The following LAMC3 variants were observed in gnomAD, a reference collection of about 807,000 sequenced individuals.
LAMC3 encodes the protein laminin subunit gamma-3.
In LAMC3, 128 loss-of-function variants were observed where a neutral mutation model predicts 173.8. The observed-to-expected ratio is 0.74, with a 90% CI of 0.64 to 0.85. The LOEUF (loss-of-function observed/expected upper bound fraction) is 0.85, where lower values mean the gene tolerates loss of function less well. Ranked by LOEUF, LAMC3 falls within the 40% of genes least tolerant of loss-of-function variation. The pLI is 0.00. For missense variants in LAMC3, 2,022 were observed against 2,156.0 expected (o/e 0.94, Z 1.23); for synonymous variants, 897 against 909.1 (o/e 0.99, Z 0.24).
At chr9:131,071,707 G>C in intron 18 of LAMC3, 82 bp downstream of exon 18, 1 of 1,430,196 alleles carries the variant, frequency 7.0e-7, no homozygotes, top group Non-Finnish European at 9.2e-7. Flanking sequence ...TGGATGCTTT[G>C]GGGGCCCTCC....
chr9:131,019,597 C>G (rs1460605497), intron 1 of LAMC3, among the ~76,000 whole-genome samples: 2 of 152,160 alleles, frequency 1.3e-5, no homozygotes, highest in Non-Finnish European at 2.9e-5. Context: ...ACGTGCTTTG[C>G]CAAGTACTTT....
chr9:131,036,206 G>A lies in LAMC3; in HGVS notation c.850G>A (p.Val284Met), dbSNP rs757736341. Residue 284 changes from valine (V) to methionine (M), a missense_variant, in exon 4 of 28, where the codon GTG becomes ATG. Val to Met is a conservative substitution (Grantham distance 21). Transcript: ENST00000361069. ...GCATGCCAGCGAGTGCGGCCCCGAC[G>A]TGGCAGGCCAGTTGGCCTGCCGGTG... is the stretch of plus-strand genomic sequence containing the variant. ...NGHASECGPD[V>M]AGQLACRCQH... 2.2e-5 allele frequency: 36 copies of A among 1,612,836 alleles called. No individual in the cohort carries two copies. Among genetic ancestry groups the A allele is most frequent in the Middle Eastern group, 1.7e-4 (1 of 6,046 alleles).
chr9:131,051,063 G>A (rs1834275916), intron 9 of LAMC3, among the ~76,000 whole-genome samples: 2 of 151,766 alleles, frequency 1.3e-5, no homozygotes, highest in Admixed American at 6.5e-5. Flanking sequence ...GCCAGGAAAC[G>A]CTCTGGGGCA....
chr9:131,046,540 T>C (rs1378254934), intron 8 of LAMC3, among the ~76,000 whole-genome samples: 1 of 134,858 alleles, frequency 7.4e-6, no homozygotes, highest in Non-Finnish European at 1.6e-5. Flanking sequence ...TTTTTTTTTT[T>C]TTTTGTACAG....
At chr9:131,082,519 G>A (rs1283531947) in intron 24 of LAMC3, among the ~76,000 whole-genome samples, 2 of 152,210 alleles carry the variant, frequency 1.3e-5, no homozygotes, top group African/African-American at 4.8e-5. Context: ...CGGGTCCAAT[G>A]TTGAGTTGGG....
chr9:131,053,557 G>A (rs1039798145), intron 11 of LAMC3, among the ~76,000 whole-genome samples: 4 of 152,102 alleles, frequency 2.6e-5, no homozygotes, highest in Middle Eastern at 3.2e-3. Context: ...AATATAGGTC[G>A]GGCGCAGAAG....
intron 2 of LAMC3, among the ~76,000 whole-genome samples, chr9:131,030,684 G>A (rs1022365464): frequency 1.4e-4 from 22 of 152,210 alleles, no homozygotes; most frequent in African/African-American, 4.6e-4. Context: ...GTCAGTAGCC[G>A]CCGCACCTCC....
intron 7 of LAMC3, among the ~76,000 whole-genome samples, chr9:131,043,959 G>GC (rs1491293019): frequency 2.4e-5 from 3 of 127,414 alleles, no homozygotes; most frequent in Non-Finnish European, 4.9e-5. Flanking sequence ...GTGACTTGCT[G>GC]CTTTTTTTTT....
intron 23 of LAMC3, 63 bp downstream of exon 23, chr9:131,079,361 C>G (rs1830194196): frequency 6.3e-7 from 1 of 1,595,476 alleles, no homozygotes; most frequent in African/African-American, 1.3e-5. Context: ...GAAGGTGATC[C>G]AGGGTCAGGG....
chr9:131,062,824 G>A (rs533776391), intron 13 of LAMC3, among the ~76,000 whole-genome samples: 12 of 151,396 alleles, frequency 7.9e-5, no homozygotes, highest in South Asian at 2.1e-4. Context: ...AGCCAAGAGC[G>A]TGCCACTGCA....
intron 27 of LAMC3, among the ~76,000 whole-genome samples, chr9:131,090,882 A>G (rs916589948): frequency 6.6e-5 from 10 of 151,510 alleles, no homozygotes; most frequent in African/African-American, 2.2e-4. Flanking sequence ...CAAAAAAATT[A>G]GCGGAGCATG....
chr9:131,020,236 G>A (rs1833602518), intron 1 of LAMC3, among the ~76,000 whole-genome samples: 1 of 152,168 alleles, frequency 6.6e-6, no homozygotes, highest in Admixed American at 6.5e-5. Context: ...CTACAGGGGA[G>A]TCACACCCAG....
intron 2 of LAMC3, among the ~76,000 whole-genome samples, chr9:131,028,860 A>T (rs1381319276): frequency 1.3e-5 from 2 of 152,222 alleles, no homozygotes. Flanking sequence ...ACCTCGTCTC[A>T]CTATGCTGCC....
chr9:131,018,354 C>T (rs1390802676), intron 1 of LAMC3, among the ~76,000 whole-genome samples: 6 of 151,940 alleles, frequency 3.9e-5, no homozygotes, highest in African/African-American at 9.7e-5. Flanking sequence ...AGGGTGGTCT[C>T]GAACTCCTGA....
intron 27 of LAMC3, among the ~76,000 whole-genome samples, chr9:131,089,616 G>A (rs1830389504): frequency 6.8e-6 from 1 of 147,782 alleles, no homozygotes; most frequent in Non-Finnish European, 1.5e-5. Flanking sequence ...TCAAACTACT[G>A]GGCTCAAGTG....
Position 131,068,425 on chromosome 9 carries a change from G to T in LAMC3, c.2747+194G>T, listed in dbSNP as rs7044504. Among the ~76,000 whole-genome samples, 114,263 of 152,148 alleles carry T rather than the reference G, an allele frequency of 0.75. 44,085 individuals carry two copies. The highest frequency in any genetic ancestry group is 0.84 in the Non-Finnish European group (56,934 of 67,994). On this transcript the variant is annotated intron_variant, in intron 15 of 27. Coordinates refer to ENST00000361069, the MANE Select transcript of LAMC3 (RefSeq NM_006059.4). ...ACTCATGCTCCTGCCAGCCCAGGAT[G>T]CAGGCCAAGAGCAGCCCTAAAGGGT...
chr9:131,026,203 A>T lies in LAMC3; in HGVS notation c.374-82A>T. 6.3e-7 allele frequency: 1 copy of T among 1,587,000 alleles called. No individual in the cohort carries two copies. The highest frequency in any genetic ancestry group is 8.6e-7 in the Non-Finnish European group (1 of 1,167,578). On this transcript the variant is annotated intron_variant, in intron 1 of 27. Transcript: ENST00000361069. The surrounding 1 kb of genome is among the most constrained non-coding windows in gnomAD (Gnocchi z 4.8). ...CGATCCATCCACGCTAGTGCCTGCA[A>T]TGCAGCCGTCTGTCCTTCCTAGACC...
At chr9:131,044,572 A>C (rs1272044681) in intron 7 of LAMC3, among the ~76,000 whole-genome samples, 1 of 152,168 alleles carries the variant, frequency 6.6e-6, no homozygotes, top group East Asian at 1.9e-4. Context: ...GCTTCTAATG[A>C]CTGGACCGTG....
rs371906608 is a variant in LAMC3 at position 131,045,710 on chromosome 9, G to A, written c.1519+50G>A. On this transcript the variant is annotated intron_variant, in intron 8 of 27. Transcript: ENST00000361069. ...CTCCCAAGGGTCTGCTCCCAGCCTA[G>A]GCAGGTGATCCTGCCCTGGGGAGAT... 11 of 1,607,016 alleles carry A rather than the reference G, an allele frequency of 6.8e-6. No individual in the cohort carries two copies. In the African/African-American group the frequency reaches 1.3e-4, roughly 20 times the overall value.
Sources: allele counts gnomAD v4.1 joint callset (sites outside exome capture counted in the v4.1 genomes callset), GRCh38; gene constraint gnomAD v4.1.1; non-coding constraint Gnocchi (gnomAD v3.1); transcripts MANE v1.5; gene names NCBI Gene and HGNC (gene_info 2026-07-23, HGNC 2026-07-21).